Variants in CSMD1 observed in about 807,000 individuals in gnomAD.
The protein encoded by CSMD1 is CUB and Sushi multiple domains 1.
In CSMD1, 213 loss-of-function variants were observed where a neutral mutation model predicts 417.5. That is an observed-to-expected ratio of 0.51 (90% CI 0.46 to 0.57). CSMD1 has a LOEUF of 0.57. CSMD1 is among the 20% of genes least tolerant of loss of function. The probability of loss-of-function intolerance (pLI) is 0.00; values close to 1 mark genes in which losing one functional copy is unlikely to be tolerated. For missense variants in CSMD1, 6,923 were observed against 4,529.7 expected, an observed-to-expected ratio of 1.53 and a Z score of -15.17; for synonymous variants, 2,862 against 1,736.8, an observed-to-expected ratio of 1.65 and a Z score of -16.11.
At chr8:3,334,320 C>A (rs916861073) in intron 23 of CSMD1, among the ~76,000 whole-genome samples, 1 of 152,196 alleles carries the variant, frequency 6.6e-6, no homozygotes, top group African/African-American at 2.4e-5. Context: ...GCTGTGTACA[C>A]TTCATGCTTG....
At chr8:4,213,780 T>C (rs2128803314) in intron 3 of CSMD1, among the ~76,000 whole-genome samples, 1 of 152,128 alleles carries the variant, frequency 6.6e-6, no homozygotes, top group South Asian at 2.1e-4. Flanking sequence ...CCAGCTGTGG[T>C]GAGGGTGGAA....
intron 3 of CSMD1, 125 bp downstream of exon 3, chr8:4,419,828 C>G (rs1033113112): frequency 2.2e-5 from 14 of 627,416 alleles, no homozygotes; most frequent in South Asian, 1.9e-4. Flanking sequence ...TACACAGAAG[C>G]CAAATGTCTA....
intron 27 of CSMD1, among the ~76,000 whole-genome samples, chr8:3,227,918 C>T (rs1410079196): frequency 1.3e-5 from 2 of 151,970 alleles, no homozygotes; most frequent in East Asian, 1.9e-4. Flanking sequence ...CAGGCATGCA[C>T]CACCACCCCT....
chr8:3,632,862 C>T (rs759769215), intron 7 of CSMD1, among the ~76,000 whole-genome samples: 1 of 152,132 alleles, frequency 6.6e-6, no homozygotes, highest in Non-Finnish European at 1.5e-5. Context: ...GGTTAGTGAT[C>T]CTGTTTTAAG....
chr8:4,882,470 G>T (rs1021380626), intron 1 of CSMD1, among the ~76,000 whole-genome samples: 2 of 151,744 alleles, frequency 1.3e-5, no homozygotes, highest in African/African-American at 4.9e-5. Context: ...CGAGTTTGGC[G>T]TTTTGTTGCT....
chr8:4,529,415 T>G (rs558159601), intron 2 of CSMD1, among the ~76,000 whole-genome samples: 1 of 152,296 alleles, frequency 6.6e-6, no homozygotes, highest in African/African-American at 2.4e-5. Context: ...TGTTTTCTTC[T>G]GAAAAAAATT....
intron 5 of CSMD1, among the ~76,000 whole-genome samples, chr8:3,984,733 A>G (rs370413101): frequency 8.4e-5 from 7 of 83,066 alleles, no homozygotes; most frequent in South Asian, 4.4e-4. Flanking sequence ...ATATATATAT[A>G]TATATATATA....
chr8:4,555,187 G>C (rs1296851230), intron 2 of CSMD1, among the ~76,000 whole-genome samples: 3 of 152,220 alleles, frequency 2.0e-5, no homozygotes, highest in Non-Finnish European at 4.4e-5. Flanking sequence ...TCAGATGGCA[G>C]ATTGGTAGGA....
chr8:4,745,959 A>T (rs1810921824), intron 1 of CSMD1, among the ~76,000 whole-genome samples: 1 of 152,244 alleles, frequency 6.6e-6, no homozygotes, highest in Non-Finnish European at 1.5e-5. Flanking sequence ...TCTCATCGGT[A>T]CGCTTTGAAG....
chr8:4,597,417 T>A (rs1322741744), intron 2 of CSMD1, among the ~76,000 whole-genome samples: 1 of 152,176 alleles, frequency 6.6e-6, no homozygotes, highest in Non-Finnish European at 1.5e-5. Flanking sequence ...CATCCCCAAA[T>A]GTAAATTCAC....
intron 3 of CSMD1, among the ~76,000 whole-genome samples, chr8:4,152,232 T>G (rs999255399): frequency 6.6e-6 from 1 of 152,184 alleles, no homozygotes; most frequent in Non-Finnish European, 1.5e-5. Flanking sequence ...TCAACATTAT[T>G]CCCACTTTCT....
chr8:3,515,858 G>GTTTTCT (rs1563112667), intron 10 of CSMD1, among the ~76,000 whole-genome samples: 1 of 152,208 alleles, frequency 6.6e-6, no homozygotes, highest in Non-Finnish European at 1.5e-5. Flanking sequence ...GGACTTCAGC[G>GTTTTCT]TGGGGAAAAT....
chr8:4,774,889 G>C (rs1203711171), intron 1 of CSMD1, among the ~76,000 whole-genome samples: 1 of 152,156 alleles, frequency 6.6e-6, no homozygotes, highest in Non-Finnish European at 1.5e-5. Context: ...AAAGTTACCT[G>C]AGGCCTCCGC....
chr8:4,704,418 G>T (rs927731811), intron 1 of CSMD1, among the ~76,000 whole-genome samples: 1 of 152,154 alleles, frequency 6.6e-6, no homozygotes, highest in African/African-American at 2.4e-5. Context: ...TGTTTATGTG[G>T]TGTCTGGCAG....
At chr8:4,169,380 C>G (rs561229432) in intron 3 of CSMD1, among the ~76,000 whole-genome samples, 1 of 152,034 alleles carries the variant, frequency 6.6e-6, no homozygotes, top group Admixed American at 6.6e-5. Flanking sequence ...CTTCCTCAGG[C>G]CAAAAAACAT....
chr8:3,772,844 C>T (rs1422935937), intron 5 of CSMD1, among the ~76,000 whole-genome samples: 1 of 151,950 alleles, frequency 6.6e-6, no homozygotes, highest in Non-Finnish European at 1.5e-5. Flanking sequence ...TCCCAACCCC[C>T]TCCTCTGCAC....
chr8:3,589,304 G>A (rs937541842), intron 8 of CSMD1, among the ~76,000 whole-genome samples: 21 of 152,136 alleles, frequency 1.4e-4, no homozygotes, highest in African/African-American at 4.8e-4. Flanking sequence ...TCACTGCAGC[G>A]TTACTCACAA....
chr8:4,294,959 G>T (rs1255323341), intron 3 of CSMD1, among the ~76,000 whole-genome samples: 1 of 150,664 alleles, frequency 6.6e-6, no homozygotes, highest in African/African-American at 2.4e-5. Flanking sequence ...AAGTGCCAAG[G>T]ATATTTTTCT....
chr8:3,713,998 T>C (rs1801674051), intron 6 of CSMD1, among the ~76,000 whole-genome samples: 1 of 151,282 alleles, frequency 6.6e-6, no homozygotes, highest in Non-Finnish European at 1.5e-5. Context: ...TCTTTGTAAA[T>C]CCTTAGAATT....
Sources: gnomAD v4.1 joint callset for allele counts (sites outside exome capture counted in the v4.1 genomes callset) on GRCh38, gnomAD v4.1.1 for gene constraint, MANE v1.5 for transcripts, NCBI Gene and HGNC (gene_info 2026-07-23, HGNC 2026-07-21) for gene names.